SEPTIN9: variants seen among roughly 807,000 people sequenced by gnomAD.
SEPTIN9 encodes septin-9.
Under a neutral mutation model 56.6 loss-of-function variants are expected in SEPTIN9, and 13 were observed. That is an observed-to-expected ratio of 0.23 (90% CI 0.15 to 0.37). The LOEUF (loss-of-function observed/expected upper bound fraction) is 0.37. Ranked by LOEUF, SEPTIN9 falls within the 10% of genes least tolerant of loss-of-function variation. The pLI, the probability that SEPTIN9 is intolerant of heterozygous loss-of-function variation, is 1.00. For synonymous variants in SEPTIN9, 332 were observed against 334.1 expected, an observed-to-expected ratio of 0.99 and a Z score of 0.07; for missense variants, 650 against 823.1, an observed-to-expected ratio of 0.79 and a Z score of 2.57.
chr17:77,331,227 A>G (rs1037717773), intron 2 of SEPTIN9, among the ~76,000 whole-genome samples: 2 of 152,158 alleles, frequency 1.3e-5, no homozygotes, highest in African/African-American at 4.8e-5. Context: ...TAAAAACTAC[A>G]GCTTCAGAAT....
chr17:77,411,087 G>GGAA, intron 3 of SEPTIN9, among the ~76,000 whole-genome samples: 1 of 132,740 alleles, frequency 7.5e-6, no homozygotes, highest in African/African-American at 2.7e-5. Flanking sequence ...TCCCATCTGG[G>GGAA]AAAAAAAAAA....
intron 5 of SEPTIN9, 132 bp from the exon 6 acceptor site, chr17:77,488,108 G>C (rs548252113): frequency 2.6e-6 from 2 of 765,144 alleles, no homozygotes; most frequent in African/African-American, 2.3e-5. Flanking sequence ...GCTGAGGAAG[G>C]CCATTAATTT....
chr17:77,412,599 G>A (rs961089649), intron 3 of SEPTIN9, among the ~76,000 whole-genome samples: 1 of 151,990 alleles, frequency 6.6e-6, no homozygotes, highest in African/African-American at 2.4e-5. Flanking sequence ...GAGGTGGTGC[G>A]CCTGTAGTCC....
chr17:77,430,413 C>T (rs145045915), intron 3 of SEPTIN9, among the ~76,000 whole-genome samples: 12 of 152,270 alleles, frequency 7.9e-5, no homozygotes, highest in African/African-American at 9.6e-5. Flanking sequence ...CCCACTAGGC[C>T]GTGGATAGAG....
intron 3 of SEPTIN9, among the ~76,000 whole-genome samples, chr17:77,442,909 G>A (rs909019009): frequency 6.6e-6 from 1 of 152,010 alleles, no homozygotes; most frequent in African/African-American, 2.4e-5. Context: ...ACATATTATG[G>A]CAAAACAAAT....
Position 77,492,754 on chromosome 17 carries a change from C to T in SEPTIN9, c.1476+38C>T. Reference sequence around the variant, plus strand: ...ACTAGGATGTTGTTCCCAGGGGACCCCCAGTTCCTGCTGAAGGGTGGGTTG... The same window carrying T: ...ACTAGGATGTTGTTCCCAGGGGACCTCCAGTTCCTGCTGAAGGGTGGGTTG... On this transcript the variant is annotated intron_variant, in intron 9 of 11. Transcript: ENST00000427177. The surrounding 1 kb of genome is among the most constrained non-coding windows in gnomAD (Gnocchi z 5.4). 6.3e-7 allele frequency: 1 copy of T among 1,576,078 alleles called. No homozygotes were observed. Among genetic ancestry groups the T allele is most frequent in the Non-Finnish European group, 8.7e-7 (1 of 1,145,504 alleles).
chr17:77,454,432 G>A (rs1415215501), intron 3 of SEPTIN9: 6 of 941,792 alleles, frequency 6.4e-6, no homozygotes, highest in Admixed American at 6.2e-5. Context: ...CGAGGGTGGC[G>A]GCCATGCCCA....
Position 77,400,524 on chromosome 17 carries a change from G to A in SEPTIN9, c.77-1535G>A, listed in dbSNP as rs2035863510. The A allele has an allele frequency of 6.6e-6, 1 of 152,238 alleles. No individual in the cohort carries two copies. The highest frequency in any genetic ancestry group is 6.5e-5 in the Admixed American group (1 of 15,280). 9.4% of individuals were successfully genotyped at this position (152,238 alleles called of 1,614,324 possible). On this transcript the variant is annotated intron_variant, in intron 2 of 11. Transcript: ENST00000427177. This position sits in a 1 kb window ranked among gnomAD's most constrained non-coding sequence, Gnocchi z 4.1. ...AGGAAGCTGGCAGCTGAGGCGGCCA[G>A]GGTTAGGGGGTTGGGCTTCCTCTTC... is the stretch of plus-strand genomic sequence containing the variant.
rs537983944 is a variant in SEPTIN9, at chr17:77,456,838, C to T, written c.722-25306C>T. ...CCCCACAGCCAAGGACAAGTCCCCA[C>T]GGCCAATACCAGATCCCAGTGACCA... On this transcript the variant is annotated intron_variant, in intron 3 of 11. Coordinates refer to ENST00000427177, the MANE Select transcript of SEPTIN9 (RefSeq NM_001113491.2). The surrounding 1 kb of genome is among the most constrained non-coding windows in gnomAD (Gnocchi z 6.0). Among the ~76,000 whole-genome samples, 21 of 151,752 alleles carry T rather than the reference C, an allele frequency of 1.4e-4. No individual in the cohort carries two copies. Among genetic ancestry groups the T allele is most frequent in the African/African-American group, 3.6e-4 (15 of 41,324 alleles).
At chr17:77,410,329 G>C (rs1435387524) in intron 3 of SEPTIN9, among the ~76,000 whole-genome samples, 1 of 152,256 alleles carries the variant, frequency 6.6e-6, no homozygotes, top group East Asian at 1.9e-4. Context: ...GTGCAGGTGA[G>C]GGGGAAAGTG....
rs927326477 is a variant in SEPTIN9, at chr17:77,322,087, G to A, written c.76+14890G>A. Among the ~76,000 whole-genome samples the A allele has an allele frequency of 5.9e-4, 90 of 152,202 alleles. 1 individual carries two copies. The highest frequency in any genetic ancestry group is 2.0e-3 in the African/African-American group (84 of 41,438). On this transcript the variant is annotated intron_variant, in intron 2 of 11. Transcript: ENST00000427177. ...CACCCGCCTGGCTGGCAGGGGCCTC[G>A]GGGAGCCTCGGGTTCGGCCTTCACT... is the stretch of plus-strand genomic sequence containing the variant.
At chr17:77,426,481 G>A (rs926037180) in intron 3 of SEPTIN9, among the ~76,000 whole-genome samples, 3 of 152,066 alleles carry the variant, frequency 2.0e-5, no homozygotes, top group Non-Finnish European at 2.9e-5. Flanking sequence ...CTGACTCATC[G>A]TGGGGCGGCC....
chr17:77,453,172 C>T lies in SEPTIN9; in HGVS notation c.722-28972C>T, dbSNP rs923493868. ...TGCGGTGGGGAGGACCCACTGTGTG[C>T]GCCTGGGGGGTGGCGTGGGGCACTC... On this transcript the variant is annotated intron_variant, in intron 3 of 11. Coordinates refer to ENST00000427177, the MANE Select transcript of SEPTIN9 (RefSeq NM_001113491.2). This position sits in a 1 kb window ranked among gnomAD's most constrained non-coding sequence, Gnocchi z 4.4. Among the ~76,000 whole-genome samples the T allele has an allele frequency of 2.0e-5, 3 of 151,982 alleles. No homozygotes were observed. The highest frequency in any genetic ancestry group is 2.9e-5 in the Non-Finnish European group (2 of 67,996).
At position 77,487,249 on chromosome 17, in the gene SEPTIN9, C is replaced by T. The variant is rs923572355; in HGVS notation, c.914-175C>T. Among the ~76,000 whole-genome samples, 4 of 152,152 alleles carry T rather than the reference C, an allele frequency of 2.6e-5. No individual in the cohort carries two copies. Among genetic ancestry groups the T allele is most frequent in the African/African-American group, 2.4e-5 (1 of 41,428 alleles). ...TGGGTTTACACAGTCACTGGACACCCGGCTCGAGGGTGAAGTCCTCGGGGG... is the reference window on the plus strand; with the variant it reads ...TGGGTTTACACAGTCACTGGACACCTGGCTCGAGGGTGAAGTCCTCGGGGG... On this transcript the variant is annotated intron_variant, in intron 4 of 11. Transcript: ENST00000427177. The surrounding 1 kb of genome is among the most constrained non-coding windows in gnomAD (Gnocchi z 4.3).
rs979099794 is a variant in SEPTIN9, at chr17:77,400,384, T to C, written c.77-1675T>C. Among the ~76,000 whole-genome samples the C allele has an allele frequency of 1.3e-5, 2 of 152,104 alleles. No individual in the cohort carries two copies. The highest frequency in any genetic ancestry group is 4.8e-5 in the African/African-American group (2 of 41,408). On this transcript the variant is annotated intron_variant, in intron 2 of 11. Coordinates refer to ENST00000427177, the MANE Select transcript of SEPTIN9 (RefSeq NM_001113491.2). The surrounding 1 kb of genome is among the most constrained non-coding windows in gnomAD (Gnocchi z 4.1). ...GAGAGTTCTCTGGAGTCCACACGGC[T>C]CCTTGCCCAGCTTCTGGTGGAGGTT...
At chr17:77,467,423 G>A (rs538244535) in intron 3 of SEPTIN9, among the ~76,000 whole-genome samples, 66 of 152,250 alleles carry the variant, frequency 4.3e-4, no homozygotes, top group African/African-American at 1.5e-3. Context: ...GACCCCAGGG[G>A]CCCTGAGCCC....
chr17:77,338,070 G>A (rs991462234), intron 2 of SEPTIN9, among the ~76,000 whole-genome samples: 6 of 152,082 alleles, frequency 3.9e-5, no homozygotes, highest in African/African-American at 1.4e-4. Flanking sequence ...GGTGGCACAT[G>A]CCTGTAGTCC....
At chr17:77,448,593 A>G (rs867800180) in intron 3 of SEPTIN9, among the ~76,000 whole-genome samples, 17 of 152,000 alleles carry the variant, frequency 1.1e-4, no homozygotes, top group South Asian at 2.1e-4. Context: ...CCAAGTGGAG[A>G]GGTGCCGTGT....
At chr17:77,325,336 T>C (rs942458177) in intron 2 of SEPTIN9, among the ~76,000 whole-genome samples, 5 of 152,222 alleles carry the variant, frequency 3.3e-5, no homozygotes, top group African/African-American at 9.6e-5. Context: ...TAAGGGCTGG[T>C]CCAGCCTCAT....
Sources: gnomAD v4.1 joint callset for allele counts (sites outside exome capture counted in the v4.1 genomes callset) on GRCh38, gnomAD v4.1.1 for gene constraint, Gnocchi (gnomAD v3.1) non-coding constraint, MANE v1.5 for transcripts, NCBI Gene and HGNC (gene_info 2026-07-23, HGNC 2026-07-21) for gene names.